RGP1: variants seen among roughly 807,000 people sequenced by gnomAD.
RGP1 encodes RGP1 partner of RAB6A GEF complex.
RGP1 carries 28 observed loss-of-function variants against 44.5 expected under a neutral mutation model. That is an observed-to-expected ratio of 0.63 (90% confidence interval 0.47 to 0.86). The LOEUF is 0.86. Ranked by LOEUF, RGP1 falls within the 40% of genes least tolerant of loss-of-function variation. The pLI is 0.00. For synonymous variants in RGP1, 212 were observed against 196.7 expected, an observed-to-expected ratio of 1.08 and a Z score of -0.65; for missense variants, 417 against 490.7, an observed-to-expected ratio of 0.85 and a Z score of 1.42.
chr9:35,759,444 C>A (rs1258105282), downstream of RGP1, among the ~76,000 whole-genome samples: 1 of 151,598 alleles, frequency 6.6e-6, no homozygotes, highest in East Asian at 1.9e-4. Context: ...TTCCTGTAAT[C>A]CCAGCTACTC....
At chr9:35,775,415 T>C in the RGP1 span, among the ~76,000 whole-genome samples, 1 of 152,126 alleles carries the variant, frequency 6.6e-6, no homozygotes, top group Non-Finnish European at 1.5e-5. Flanking sequence ...TTTGGGGGCC[T>C]GTTCTAGGGA....
At chr9:35,769,703 G>T in the RGP1 span, among the ~76,000 whole-genome samples, 1 of 152,260 alleles carries the variant, frequency 6.6e-6, no homozygotes, top group African/African-American at 2.4e-5. Context: ...AGGAACAAAA[G>T]TTCAGTGTGT....
intron 8 of RGP1, 102 bp downstream of exon 8, chr9:35,752,247 A>G (rs916092652): frequency 2.6e-6 from 3 of 1,166,448 alleles, no homozygotes; most frequent in Non-Finnish European, 3.6e-6. Flanking sequence ...ACTCCCAGAC[A>G]TACCCACGTC....
the RGP1 span, among the ~76,000 whole-genome samples, chr9:35,774,857 A>G: frequency 6.6e-6 from 1 of 152,064 alleles, no homozygotes; most frequent in African/African-American, 2.4e-5. Flanking sequence ...ATACAGGTCA[A>G]TTCCCCTCTT....
Position 35,751,253 on chromosome 9 carries a change from A to G in RGP1, c.488-13A>G. 1 of 1,613,486 alleles carries G rather than the reference A, an allele frequency of 6.2e-7. No homozygotes were observed. ...CCCTCTCAGCATTACCTCTCCACTC[A>G]TTCTTTCTCTAGGCCTTCAGGATGT... is the stretch of plus-strand genomic sequence containing the variant. On this transcript the variant is annotated splice_polypyrimidine_tract_variant and intron_variant, in intron 5 of 8. Coordinates refer to ENST00000378078, the MANE Select transcript of RGP1 (RefSeq NM_001080496.3).
At chr9:35,771,039 T>A in the RGP1 span, among the ~76,000 whole-genome samples, 1 of 152,242 alleles carries the variant, frequency 6.6e-6, no homozygotes, top group East Asian at 1.9e-4. Context: ...GTTGCCCTTT[T>A]ATCATTTCTA....
chr9:35,775,551 T>A, the RGP1 span, among the ~76,000 whole-genome samples: 3 of 152,166 alleles, frequency 2.0e-5, no homozygotes, highest in Non-Finnish European at 4.4e-5. Context: ...CAGGAAGCCA[T>A]CTGTGGAGGG....
At position 35,754,261 on chromosome 9, in the gene RGP1, C is replaced by T; in HGVS notation, c.*1387C>T. 3.4e-6 allele frequency: 4 copies of T among 1,164,360 alleles called. No individual in the cohort carries two copies. The highest frequency in any genetic ancestry group is 2.6e-5 in the Admixed American group (1 of 37,974). 72.1% of individuals were successfully genotyped at this position (1,164,360 alleles called of 1,614,324 possible). A position where few individuals can be genotyped will look rare whatever the true frequency, so the allele number is the denominator to read the frequency against. ...TTCTCCCCTGGGCTCCTGTCTCACA[C>T]TATCTCCCTGCCCTCTGCTCTCACA... is the stretch of plus-strand genomic sequence containing the variant. On this transcript the variant is annotated 3_prime_UTR_variant, in exon 9 of 9. Transcript: ENST00000378078.
Position 35,754,298 on chromosome 9 carries a change from T to C in RGP1, c.*1424T>C, listed in dbSNP as rs1202398113. The C allele has an allele frequency of 1.2e-6, 1 of 829,282 alleles. No homozygotes were observed. The highest frequency in any genetic ancestry group is 1.8e-6 in the Non-Finnish European group (1 of 567,494). The allele number at this position is 829,282 out of a possible 1,614,324, so 51.4% of individuals were successfully genotyped here. On this transcript the variant is annotated 3_prime_UTR_variant, in exon 9 of 9. Transcript: ENST00000378078. ...CCTCTGCTCTCACAGGCTGGGGATG[T>C]TTATAAAGTGAGGACCCTGGCCCCC... is the stretch of plus-strand genomic sequence containing the variant.
At chr9:35,779,036 T>A in the RGP1 span, among the ~76,000 whole-genome samples, 13 of 152,206 alleles carry the variant, frequency 8.5e-5, no homozygotes, top group Non-Finnish European at 1.3e-4. Context: ...TTTCAATATA[T>A]TATAGAGGAT....
chr9:35,781,683 T>A, the RGP1 span, among the ~76,000 whole-genome samples: 1 of 152,070 alleles, frequency 6.6e-6, no homozygotes, highest in Non-Finnish European at 1.5e-5. Flanking sequence ...ATATCCTGAG[T>A]TCTGCACAGT....
chr9:35,776,425 T>C, the RGP1 span, among the ~76,000 whole-genome samples: 79 of 151,972 alleles, frequency 5.2e-4, no homozygotes, highest in African/African-American at 1.7e-3. Flanking sequence ...GTAGCTGGAA[T>C]TACGGGCGTC....
Position 35,754,177 on chromosome 9 carries a change from C to T in RGP1, c.*1303C>T. The stretch of plus-strand genomic sequence containing the variant: ...ACCCTTCTTGGCCTCTGCTCAGCTA[C>T]TCTGGTCTTGACTCCTTGACTTTGC... On this transcript the variant is annotated 3_prime_UTR_variant, in exon 9 of 9. Transcript: ENST00000378078. 1 of 1,581,024 alleles carries T rather than the reference C, an allele frequency of 6.3e-7. No individual in the cohort carries two copies. Among genetic ancestry groups the T allele is most frequent in the Non-Finnish European group, 8.6e-7 (1 of 1,162,098 alleles).
At chr9:35,767,246 C>T in the RGP1 span, among the ~76,000 whole-genome samples, 1 of 150,366 alleles carries the variant, frequency 6.7e-6, no homozygotes, top group Non-Finnish European at 1.5e-5. Flanking sequence ...GTGTAATGAC[C>T]AGCCTTAATG....
At chr9:35,774,442 A>C in the RGP1 span, among the ~76,000 whole-genome samples, 2 of 152,178 alleles carry the variant, frequency 1.3e-5, no homozygotes, top group Non-Finnish European at 2.9e-5. Context: ...ACATGGAAGT[A>C]CTTGGCCGGG....
the RGP1 span, among the ~76,000 whole-genome samples, chr9:35,766,610 T>C: frequency 6.6e-6 from 1 of 152,220 alleles, no homozygotes; most frequent in Non-Finnish European, 1.5e-5. Flanking sequence ...AAAAGTTTTA[T>C]GATTTCAGCT....
At chr9:35,752,593 A>G (rs137923089) in intron 8 of RGP1, 58 bp from the exon 9 acceptor site, 5 of 1,372,716 alleles carry the variant, frequency 3.6e-6, no homozygotes, top group East Asian at 2.5e-5. Context: ...ATATCCTGTC[A>G]TTGGCTTTTA....
exon 9 of RGP1, chr9:35,758,576 AAAAAAAAAAG>A (rs1827389588): frequency 6.7e-6 from 1 of 148,262 alleles, no homozygotes; most frequent in Admixed American, 6.7e-5. Flanking sequence ...TCAATTAATG[AAAAAAAAAAG>A]AAAAGAAAAG....
Position 35,749,831 on chromosome 9 carries a change from G to C in RGP1, c.76G>C (p.Val26Leu), listed in dbSNP as rs1265397140. Residue 26 changes from valine (V) to leucine (L), a missense_variant, in exon 2 of 9, where the codon GTC becomes CTC. Coordinates refer to ENST00000378078, the MANE Select transcript of RGP1 (RefSeq NM_001080496.3). This position sits in a 1 kb window ranked among gnomAD's most constrained non-coding sequence, Gnocchi z 4.4. ...AGEALECVVT[V>L]TNPLPPTATS... ...GGAGGCGCTGGAGTGTGTAGTGACC[G>C]TCACCAACCCCCTTCCGCCCACGGC... The C allele has an allele frequency of 3.7e-6, 6 of 1,613,492 alleles. No homozygotes were observed. The highest frequency in any genetic ancestry group is 5.1e-6 in the Non-Finnish European group (6 of 1,179,650).
Sources: allele counts gnomAD v4.1 joint callset (sites outside exome capture counted in the v4.1 genomes callset), GRCh38; gene constraint gnomAD v4.1.1; non-coding constraint Gnocchi (gnomAD v3.1); transcripts MANE v1.5; gene names NCBI Gene and HGNC (gene_info 2026-07-23, HGNC 2026-07-21).